ZNF280A: variants seen among roughly 807,000 people sequenced by gnomAD.
ZNF280A encodes zinc finger protein 280A.
A neutral mutation model predicts 35.9 loss-of-function variants in ZNF280A; 26 were observed. The observed-to-expected ratio is 0.72, with a 90% CI of 0.53 to 1.01. The LOEUF is 1.01. Among genes scored for constraint, ZNF280A ranks in the 50% least tolerant of loss-of-function variants. ZNF280A has a pLI of 0.00. For synonymous variants in ZNF280A, 231 were observed against 232.9 expected (o/e 0.99, Z 0.07); for missense variants, 654 against 652.0 (o/e 1.00, Z -0.03).
At chr22:22,515,937 C>T (rs2062063976) in intron 1 of ZNF280A, among the ~76,000 whole-genome samples, 1 of 151,828 alleles carries the variant, frequency 6.6e-6, no homozygotes, top group African/African-American at 2.4e-5. Context: ...GCAGATGGAA[C>T]ATCTCAGAGT....
At position 22,514,584 on chromosome 22, in the gene ZNF280A, T is replaced by C; in HGVS notation, c.1047A>G (p.Leu349=). Residue 349 remains leucine (L), a synonymous_variant, in exon 2 of 2, where the codon CTA becomes CTG. Coordinates refer to ENST00000302097, the MANE Select transcript of ZNF280A (RefSeq NM_080740.5). ...CHRQFPTPFQ[L]QCHIDSVHIA... is the part of the protein sequence containing the mutation. ...TGTGTACACTATCAATGTGACACTG[T>C]AGCTGGAAGGGAGTGGGAAACTGCC... 2 of 1,613,952 alleles carry C rather than the reference T, an allele frequency of 1.2e-6. No homozygotes were observed. Among genetic ancestry groups the C allele is most frequent in the Non-Finnish European group, 1.7e-6 (2 of 1,179,988 alleles).
In ZNF280A at chr22:22,514,770, A is replaced by T. The variant is rs771774865; in HGVS notation, c.861T>A (p.Asp287Glu). The T allele has an allele frequency of 7.4e-6, 12 of 1,613,806 alleles. No individual in the cohort carries two copies. The highest frequency in any genetic ancestry group is 1.6e-4 in the Middle Eastern group (1 of 6,076). The change falls in exon 2 of 2, where the codon GAT becomes GAA. Residue 287 changes from aspartate to glutamate, a missense_variant. By Grantham distance (45) the Asp-to-Glu change is conservative (BLOSUM62 2). Coordinates refer to ENST00000302097, the MANE Select transcript of ZNF280A (RefSeq NM_080740.5). ...TGTGAGTCTTCTGTTCCGGCTGCCC[A>T]TCTCCTTTATGCTGTCCATAGTAAA... ...SDFYYGQHKG[D>E]GQPEQKTHTT...
chr22:22,516,985 A>G (rs919624190), intron 1 of ZNF280A, among the ~76,000 whole-genome samples: 50 of 152,040 alleles, frequency 3.3e-4, no homozygotes, highest in Non-Finnish European at 4.6e-4. Flanking sequence ...AGCATTTATC[A>G]CTGCCTACCA....
chr22:22,513,966 CCTTTCGGAA>C lies in ZNF280A; in HGVS notation c.*27_*35del, dbSNP rs2062037817. ...CACATATGGCCTAGCCTCACTTCTG[CCTTTCGGAA>C]CTCCTGGAAGTCAGTCGAACATATT... On this transcript the variant is annotated 3_prime_UTR_variant, in exon 2 of 2. Transcript: ENST00000302097. The C allele has an allele frequency of 1.7e-6, 2 of 1,205,846 alleles. No individual in the cohort carries two copies. The allele number at this position is 1,205,846 out of a possible 1,614,324, so 74.7% of individuals were successfully genotyped here. A position where few individuals can be genotyped will look rare whatever the true frequency, so the allele number is the denominator to read the frequency against.
intron 1 of ZNF280A, among the ~76,000 whole-genome samples, chr22:22,516,427 T>C (rs573574719): frequency 6.6e-6 from 1 of 152,030 alleles, no homozygotes; most frequent in South Asian, 2.1e-4. Context: ...GCCAATCAAT[T>C]AGCAAAGCTA....
chr22:22,514,322 G>A lies in ZNF280A; in HGVS notation c.1309C>T (p.Pro437Ser). The A allele has an allele frequency of 6.2e-7, 1 of 1,613,888 alleles. No homozygotes were observed. Among genetic ancestry groups the A allele is most frequent in the Non-Finnish European group, 8.5e-7 (1 of 1,179,976 alleles). Residue 437 changes from proline (P) to serine (S), a missense_variant, in exon 2 of 2, where the codon CCA (proline) becomes TCA (serine). Coordinates refer to ENST00000302097, the MANE Select transcript of ZNF280A (RefSeq NM_080740.5). Reference sequence around the variant, plus strand: ...TGCCTCCAACAATGATTCATGTATGGTATTGCAGTTTTGAAAAGTTTGAGA... The same window carrying A: ...TGCCTCCAACAATGATTCATGTATGATATTGCAGTTTTGAAAAGTTTGAGA... ...FCLKLFKTAI[P>S]YMNHCWRHSR...
intron 1 of ZNF280A, among the ~76,000 whole-genome samples, chr22:22,518,842 A>G (rs1185488744): frequency 6.6e-6 from 1 of 151,628 alleles, no homozygotes; most frequent in East Asian, 2.0e-4. Context: ...TATAACATTC[A>G]AAATGTCAGT....
chr22:22,519,790 G>A (rs2062118997), intron 1 of ZNF280A, among the ~76,000 whole-genome samples: 1 of 151,882 alleles, frequency 6.6e-6, no homozygotes. Context: ...TGGGGACTCA[G>A]GACAAAGGGA....
rs759861864 is a variant in ZNF280A, at chr22:22,515,169, A to G, written c.462T>C (p.Ser154=). Residue 154 remains serine, a synonymous_variant, in exon 2 of 2, where the codon TCT becomes TCC. Transcript: ENST00000302097. The stretch of plus-strand genomic sequence containing the variant: ...GAGAACTCTCATTTCTGCCTCCTCC[A>G]GAGACCATAGCTCCAACTAGACACT... ...GTQCLVGAMV[S]GGGRNESSPD... is the part of the protein sequence containing the mutation. 13 of 1,613,924 alleles carry G rather than the reference A, an allele frequency of 8.1e-6. No individual in the cohort carries two copies. In the Admixed American group the frequency reaches 1.7e-4, roughly 21 times the overall value.
At chr22:22,517,147 C>T (rs1407309264) in intron 1 of ZNF280A, among the ~76,000 whole-genome samples, 1 of 151,878 alleles carries the variant, frequency 6.6e-6, no homozygotes, top group Admixed American at 6.6e-5. Flanking sequence ...TGGCTCGTAC[C>T]TGTAATCCCA....
chr22:22,514,283 C>A lies in ZNF280A; in HGVS notation c.1348G>T (p.Val450Phe). The change falls in exon 2 of 2, where the codon GTC becomes TTC. Residue 450 changes from valine to phenylalanine, a missense_variant. Transcript: ENST00000302097. ...NHCWRHSRRR[V>F]LQCSKCRLQF... is the part of the protein sequence containing the mutation. ...AGCCGGCACTTGGAACACTGAAGGA[C>A]CCTCCTTCTGCTGTGCCTCCAACAA... 1 of 1,613,960 alleles carries A rather than the reference C, an allele frequency of 6.2e-7. No individual in the cohort carries two copies. The highest frequency in any genetic ancestry group is 8.5e-7 in the Non-Finnish European group (1 of 1,179,994).
In ZNF280A at chr22:22,514,956, T is replaced by C. The variant is rs2062051782; in HGVS notation, c.675A>G (p.Thr225=). 4 of 1,613,814 alleles carry C rather than the reference T, an allele frequency of 2.5e-6. No individual in the cohort carries two copies. The African/African-American group carries it at 4.0e-5, about 16-fold the overall frequency. Residue 225 remains threonine (T), a synonymous_variant, in exon 2 of 2, where the codon ACA becomes ACG. Coordinates refer to ENST00000302097, the MANE Select transcript of ZNF280A (RefSeq NM_080740.5). The stretch of plus-strand genomic sequence containing the variant: ...TTCCATTAGCATCAGGCCAAGGAAA[T>C]GTTACTCCATTCTGAACATGGTTTG... The part of the protein sequence containing the change: ...NSSNHVQNGV[T]FPWPDANGKA...
chr22:22,518,422 G>T (rs538143585), intron 1 of ZNF280A, among the ~76,000 whole-genome samples: 72 of 151,944 alleles, frequency 4.7e-4, no homozygotes, highest in African/African-American at 1.7e-3. Context: ...CATTTTTAAG[G>T]TATTGTTTTC....
intron 1 of ZNF280A, among the ~76,000 whole-genome samples, chr22:22,517,904 A>G (rs17497134): frequency 0.05 from 7,214 of 145,714 alleles, 265 homozygotes; most frequent in Non-Finnish European, 0.082. Flanking sequence ...AGAGTAATGT[A>G]TCTTTTATAA....
At position 22,514,557 on chromosome 22, in the gene ZNF280A, G is replaced by A. The variant is rs747358399; in HGVS notation, c.1074C>T (p.Ile358=). Residue 358 remains isoleucine, a synonymous_variant, in exon 2 of 2, where the codon ATC becomes ATT. Coordinates refer to ENST00000302097, the MANE Select transcript of ZNF280A (RefSeq NM_080740.5). ...TACAGACAGCAGAGGGCCCCATGGC[G>A]ATGTGTACACTATCAATGTGACACT... The part of the protein sequence containing the change: ...QLQCHIDSVH[I]AMGPSAVCKI... The A allele has an allele frequency of 3.1e-6, 5 of 1,613,940 alleles. No homozygotes were observed. Among genetic ancestry groups the A allele is most frequent in the East Asian group, 2.2e-5 (1 of 44,804 alleles).
intron 1 of ZNF280A, among the ~76,000 whole-genome samples, chr22:22,519,128 T>C (rs1261830219): frequency 6.6e-6 from 1 of 151,858 alleles, no homozygotes; most frequent in Non-Finnish European, 1.5e-5. Flanking sequence ...ATTATAACAA[T>C]ATACTGTAAT....
Position 22,515,179 on chromosome 22 carries a change from G to T in ZNF280A, c.452C>A (p.Ala151Asp). The stretch of plus-strand genomic sequence containing the variant: ...ATTTCTGCCTCCTCCAGAGACCATA[G>T]CTCCAACTAGACACTGAGTCCCTGG... ...LPPGTQCLVG[A>D]MVSGGGRNES... The change falls in exon 2 of 2, where the codon GCT becomes GAT. Residue 151 changes from alanine to aspartate, a missense_variant. Ala to Asp is a moderately radical substitution (Grantham distance 126). Coordinates refer to ENST00000302097, the MANE Select transcript of ZNF280A (RefSeq NM_080740.5). 1 of 1,613,906 alleles carries T rather than the reference G, an allele frequency of 6.2e-7. No individual in the cohort carries two copies. Among genetic ancestry groups the T allele is most frequent in the Non-Finnish European group, 8.5e-7 (1 of 1,179,972 alleles).
chr22:22,514,333 T>G lies in ZNF280A; in HGVS notation c.1298A>C (p.Lys433Thr). The G allele has an allele frequency of 6.2e-7, 1 of 1,613,962 alleles. No homozygotes were observed. Among genetic ancestry groups the G allele is most frequent in the Non-Finnish European group, 8.5e-7 (1 of 1,179,980 alleles). The change falls in exon 2 of 2, where the codon AAA becomes ACA. Residue 433 changes from lysine (K) to threonine (T), a missense_variant. Transcript: ENST00000302097. ...ATGATTCATGTATGGTATTGCAGTTTTGAAAAGTTTGAGACAAAACAGACA... is the reference window on the plus strand; with the variant it reads ...ATGATTCATGTATGGTATTGCAGTTGTGAAAAGTTTGAGACAAAACAGACA... Reference protein sequence around the residue: ...LLCLFCLKLFKTAIPYMNHCW... With the variant: ...LLCLFCLKLFTTAIPYMNHCW...
rs1187080381 is a variant in ZNF280A at position 22,515,513 on chromosome 22, C to A, written c.118G>T (p.Val40Leu). Residue 40 changes from valine to leucine, a missense_variant, in exon 2 of 2, where the codon GTA (valine) becomes TTA (leucine). Coordinates refer to ENST00000302097, the MANE Select transcript of ZNF280A (RefSeq NM_080740.5). ...PDLIYVGVEH[V>L]HRDAEVLFVG... ...AAGAGAACTTCAGCATCTCTATGTACATGCTCCACCCCAACATAGATCAGA... is the reference window on the plus strand; with the variant it reads ...AAGAGAACTTCAGCATCTCTATGTAAATGCTCCACCCCAACATAGATCAGA... 4.3e-6 allele frequency: 7 copies of A among 1,613,752 alleles called. No homozygotes were observed. Among genetic ancestry groups the A allele is most frequent in the Non-Finnish European group, 5.9e-6 (7 of 1,179,942 alleles).
Sources: gnomAD v4.1 joint callset for allele counts (sites outside exome capture counted in the v4.1 genomes callset) on GRCh38, gnomAD v4.1.1 for gene constraint, MANE v1.5 for transcripts, NCBI Gene and HGNC (gene_info 2026-07-23, HGNC 2026-07-21) for gene names.